FSTL5: variants seen among roughly 807,000 people sequenced by gnomAD.
FSTL5 encodes follistatin like 5, also known as follistatin-related protein 5.
Under a neutral mutation model 89.1 loss-of-function variants are expected in FSTL5, and 62 were observed. That is an observed-to-expected ratio of 0.70 (90% CI 0.57 to 0.86). The LOEUF is 0.86. Ranked by LOEUF, FSTL5 falls within the 40% of genes least tolerant of loss-of-function variation. The probability of loss-of-function intolerance (pLI) is 0.00; values close to 1 mark genes in which losing one functional copy is unlikely to be tolerated. For synonymous variants in FSTL5, 383 were observed against 346.2 expected (o/e 1.11, Z -1.18); for missense variants, 1,057 against 1,001.6 (o/e 1.06, Z -0.75).
intron 15 of FSTL5, among the ~76,000 whole-genome samples, chr4:161,393,876 T>C (rs1211316944): frequency 6.6e-6 from 1 of 152,146 alleles, no homozygotes; most frequent in Non-Finnish European, 1.5e-5. Flanking sequence ...TCCCACTCCT[T>C]GCAATCTCCA....
At chr4:161,787,505 G>C (rs1351733488) in intron 4 of FSTL5, among the ~76,000 whole-genome samples, 1 of 152,102 alleles carries the variant, frequency 6.6e-6, no homozygotes, top group Non-Finnish European at 1.5e-5. Flanking sequence ...TGATTAGTTT[G>C]GTGAAAGAAG....
chr4:161,513,272 G>GGGAGAGAGA (rs1349844190), intron 10 of FSTL5, among the ~76,000 whole-genome samples: 27 of 110,026 alleles, frequency 2.5e-4, no homozygotes, highest in African/African-American at 9.1e-4. Flanking sequence ...ACAAGGAGGG[G>GGGAGAGAGA]GAGAGAGAGA....
chr4:161,995,741 C>G (rs925534227), intron 3 of FSTL5, among the ~76,000 whole-genome samples: 1 of 150,744 alleles, frequency 6.6e-6, no homozygotes, highest in Non-Finnish European at 1.5e-5. Flanking sequence ...TAACATTTCC[C>G]TAAAGTGTCT....
At chr4:161,751,765 A>G (rs111434468) in intron 6 of FSTL5, among the ~76,000 whole-genome samples, 3,915 of 148,246 alleles carry the variant, frequency 0.026, 71 homozygotes, top group Admixed American at 0.043. Context: ...TGGGTGACAG[A>G]GGGAGAACTT....
chr4:161,650,764 A>G (rs1736310722), intron 7 of FSTL5, among the ~76,000 whole-genome samples: 1 of 152,216 alleles, frequency 6.6e-6, no homozygotes, highest in Non-Finnish European at 1.5e-5. Flanking sequence ...ATCTAGTTTA[A>G]TATGACATAA....
chr4:161,907,722 G>C (rs1030253556), intron 4 of FSTL5, among the ~76,000 whole-genome samples: 1 of 152,034 alleles, frequency 6.6e-6, no homozygotes, highest in African/African-American at 2.4e-5. Flanking sequence ...TTGACGATGA[G>C]GACTTTTTAT....
intron 2 of FSTL5, among the ~76,000 whole-genome samples, chr4:162,077,514 C>A (rs773937920): frequency 4.6e-5 from 7 of 151,856 alleles, no homozygotes; most frequent in Non-Finnish European, 1.0e-4. Flanking sequence ...CATTCTTACT[C>A]CTCAGTGTCA....
chr4:161,635,240 T>G (rs969636857), intron 7 of FSTL5, among the ~76,000 whole-genome samples: 1 of 151,902 alleles, frequency 6.6e-6, no homozygotes, highest in Non-Finnish European at 1.5e-5. Flanking sequence ...TACAAAAAAA[T>G]TAGCCGGGCG....
At chr4:161,995,009 C>T (rs1305287355) in intron 3 of FSTL5, among the ~76,000 whole-genome samples, 5 of 151,990 alleles carry the variant, frequency 3.3e-5, no homozygotes, top group Non-Finnish European at 7.4e-5. Flanking sequence ...AGGGTTTTTA[C>T]AGTTTTAGGT....
intron 2 of FSTL5, among the ~76,000 whole-genome samples, chr4:162,104,426 G>A (rs765254230): frequency 3.3e-5 from 5 of 152,146 alleles, no homozygotes; most frequent in African/African-American, 4.8e-5. Context: ...TCTTGGAAGC[G>A]GCCCGCCACC....
At chr4:162,126,684 T>G (rs1035414433) in intron 1 of FSTL5, among the ~76,000 whole-genome samples, 2 of 152,220 alleles carry the variant, frequency 1.3e-5, no homozygotes, top group Non-Finnish European at 2.9e-5. Context: ...AGTAACAACT[T>G]ATTTTATATT....
chr4:161,906,373 C>G (rs1317986576), intron 4 of FSTL5, among the ~76,000 whole-genome samples: 3 of 152,066 alleles, frequency 2.0e-5, no homozygotes, highest in Non-Finnish European at 4.4e-5. Flanking sequence ...TTTGAAATAG[C>G]TAGAGGCTCG....
chr4:161,512,678 A>AATAAATACC (rs1730688164), intron 10 of FSTL5, among the ~76,000 whole-genome samples: 1 of 152,106 alleles, frequency 6.6e-6, no homozygotes, highest in Non-Finnish European at 1.5e-5. Flanking sequence ...GTCATTTAGG[A>AATAAATACC]ATAAATACCA....
intron 8 of FSTL5, among the ~76,000 whole-genome samples, chr4:161,578,132 G>T (rs781711961): frequency 6.6e-6 from 1 of 152,046 alleles, no homozygotes; most frequent in East Asian, 1.9e-4. Context: ...AGAGAAAAAT[G>T]TCAGCGAATA....
chr4:161,484,413 C>T (rs1055980379), intron 12 of FSTL5, among the ~76,000 whole-genome samples: 8 of 152,144 alleles, frequency 5.3e-5, no homozygotes, highest in South Asian at 2.1e-4. Flanking sequence ...GAAATATCTG[C>T]CCTCAATTTT....
intron 8 of FSTL5, among the ~76,000 whole-genome samples, chr4:161,580,604 G>T (rs1385126242): frequency 1.3e-5 from 2 of 152,092 alleles, no homozygotes; most frequent in Non-Finnish European, 2.9e-5. Flanking sequence ...GAACAATGTT[G>T]AATGCCCCTC....
chr4:161,521,142 T>C (rs1731005494), intron 10 of FSTL5, among the ~76,000 whole-genome samples: 1 of 152,218 alleles, frequency 6.6e-6, no homozygotes, highest in Non-Finnish European at 1.5e-5. Context: ...CTCTTCAGTG[T>C]TACCACTTAC....
chr4:161,899,688 G>A (rs1479455328), intron 4 of FSTL5, among the ~76,000 whole-genome samples: 2 of 152,184 alleles, frequency 1.3e-5, no homozygotes, highest in Admixed American at 6.5e-5. Context: ...CCATTTTGGG[G>A]AAGGGGGAGA....
chr4:162,005,355 T>A (rs564626368), intron 3 of FSTL5, among the ~76,000 whole-genome samples: 1 of 152,286 alleles, frequency 6.6e-6, no homozygotes, highest in South Asian at 2.1e-4. Flanking sequence ...TCTCTCTTTC[T>A]TGCTAAACTA....
Sources: allele counts gnomAD v4.1 joint callset (sites outside exome capture counted in the v4.1 genomes callset), GRCh38; gene constraint gnomAD v4.1.1; transcripts MANE v1.5; gene names NCBI Gene and HGNC (gene_info 2026-07-23, HGNC 2026-07-21).